The following ROCK2 variants were observed in gnomAD, a reference collection of about 807,000 sequenced individuals.
ROCK2 encodes Rho associated coiled-coil containing protein kinase 2, also known as rho-associated protein kinase 2.
In ROCK2, 61 loss-of-function variants were observed where a neutral mutation model predicts 195.1. The observed-to-expected ratio is 0.31, with a 90% CI of 0.25 to 0.39. ROCK2 has a LOEUF of 0.39. Ranked by LOEUF, ROCK2 falls within the 10% of genes least tolerant of loss-of-function variation. The probability of loss-of-function intolerance (pLI) is 1.00; values close to 1 mark genes in which losing one functional copy is unlikely to be tolerated. For missense variants in ROCK2, 1,109 were observed against 1,637.4 expected, an observed-to-expected ratio of 0.68 and a Z score of 5.57; for synonymous variants, 504 against 545.5, an observed-to-expected ratio of 0.92 and a Z score of 1.06.
chr2:11,194,811 C>A (rs376579102), intron 28 of ROCK2, 144 bp downstream of exon 28: 96 of 415,468 alleles, frequency 2.3e-4, no homozygotes, highest in African/African-American at 1.7e-3. Context: ...TAAATAAAAT[C>A]ATATCATTTC....
intron 1 of ROCK2, among the ~76,000 whole-genome samples, chr2:11,331,041 A>AGGGAGGAGGC (rs1668748553): frequency 1.0e-5 from 1 of 99,998 alleles, no homozygotes; most frequent in Admixed American, 9.7e-5. Flanking sequence ...AGGGAGGAGG[A>AGGGAGGAGGC]GGGAGGAGGA....
chr2:11,288,861 C>G (rs1667278896), intron 1 of ROCK2, among the ~76,000 whole-genome samples: 1 of 152,032 alleles, frequency 6.6e-6, no homozygotes, highest in Non-Finnish European at 1.5e-5. Flanking sequence ...CACTTGAGCC[C>G]AGGAGTTCCA....
Position 11,344,365 on chromosome 2 carries a change from G to C in ROCK2, c.-229C>G. The C allele has an allele frequency of 8.6e-7, 1 of 1,160,410 alleles. No individual in the cohort carries two copies. Among genetic ancestry groups the C allele is most frequent in the East Asian group, 4.0e-5 (1 of 25,168 alleles). 71.9% of individuals were successfully genotyped at this position (1,160,410 alleles called of 1,614,324 possible). On this transcript the variant is annotated 5_prime_UTR_variant, in exon 1 of 33. Coordinates refer to ENST00000315872, the MANE Select transcript of ROCK2 (RefSeq NM_004850.5). The surrounding 1 kb of genome is among the most constrained non-coding windows in gnomAD (Gnocchi z 5.4). ...CGGCCCGGCCCTGCCGGGAGCGGCG[G>C]GGAACAGACGGCGTCCCCGCCCCTC...
At chr2:11,246,581 T>C (rs1237315844) in intron 4 of ROCK2, among the ~76,000 whole-genome samples, 1 of 152,176 alleles carries the variant, frequency 6.6e-6, no homozygotes, top group African/African-American at 2.4e-5. Flanking sequence ...TTTTAAAATA[T>C]GTCAATATTT....
At chr2:11,331,603 G>A (rs1038506288) in intron 1 of ROCK2, among the ~76,000 whole-genome samples, 3 of 150,596 alleles carry the variant, frequency 2.0e-5, no homozygotes, top group Non-Finnish European at 3.0e-5. Context: ...TCATGTGCAC[G>A]TCAGAAGCCC....
At chr2:11,191,772 G>T (rs534124994) in intron 32 of ROCK2, among the ~76,000 whole-genome samples, 1 of 152,076 alleles carries the variant, frequency 6.6e-6, no homozygotes, top group African/African-American at 2.4e-5. Flanking sequence ...TTCTCATCAA[G>T]GTTATAACAG....
intron 1 of ROCK2, among the ~76,000 whole-genome samples, chr2:11,309,863 C>T (rs1383261270): frequency 6.6e-6 from 1 of 152,082 alleles, no homozygotes; most frequent in Non-Finnish European, 1.5e-5. Flanking sequence ...TGCCTGTAGT[C>T]CCAGCTACTC....
At chr2:11,301,782 A>G (rs1667714573) in intron 1 of ROCK2, among the ~76,000 whole-genome samples, 2 of 143,378 alleles carry the variant, frequency 1.4e-5, no homozygotes, top group Non-Finnish European at 3.1e-5. Context: ...CCGCCTCAAA[A>G]AAAAAAAAAA....
In ROCK2 at chr2:11,216,143, G is replaced by C. The variant is rs748491333; in HGVS notation, c.1461+15C>G. ...TACTAACAAAAATGTTAATAAAAAA[G>C]TGGGGCAACTTTACCTCCTCTTCTA... On this transcript the variant is annotated intron_variant, in intron 13 of 32. Coordinates refer to ENST00000315872, the MANE Select transcript of ROCK2 (RefSeq NM_004850.5). 1.9e-6 allele frequency: 3 copies of C among 1,606,684 alleles called. No homozygotes were observed. The highest frequency in any genetic ancestry group is 1.7e-6 in the Non-Finnish European group (2 of 1,173,508).
intron 17 of ROCK2, 88 bp from the exon 18 acceptor site, chr2:11,211,928 C>CA: frequency 1.0e-6 from 1 of 960,270 alleles, no homozygotes; most frequent in South Asian, 1.9e-5. Flanking sequence ...TTTTTTGAGA[C>CA]AGAGTCTTGC....
intron 1 of ROCK2, chr2:11,308,216 A>C (rs1478401605): frequency 9.4e-5 from 138 of 1,475,472 alleles, no homozygotes; most frequent in Admixed American, 1.7e-5. Context: ...CACAGGCAAA[A>C]TTGCAACATG....
chr2:11,252,939 T>TATA (rs199970738), intron 3 of ROCK2, among the ~76,000 whole-genome samples: 19,429 of 143,170 alleles, frequency 0.14, 1,382 homozygotes, highest in East Asian at 0.2. Flanking sequence ...AACTTAAAAG[T>TATA]ATAATAATAA....
intron 3 of ROCK2, among the ~76,000 whole-genome samples, chr2:11,255,967 G>A (rs1172486876): frequency 7.1e-6 from 1 of 141,352 alleles, no homozygotes. Context: ...AAACTATATG[G>A]AAGTCAGTGA....
intron 1 of ROCK2, among the ~76,000 whole-genome samples, chr2:11,301,406 CAAA>C (rs1264731993): frequency 6.6e-6 from 1 of 151,874 alleles, no homozygotes; most frequent in African/African-American, 2.4e-5. Context: ...TGTATATACT[CAAA>C]AAACTGTTGT....
chr2:11,293,680 G>A (rs1330634990), intron 1 of ROCK2, among the ~76,000 whole-genome samples: 1 of 152,068 alleles, frequency 6.6e-6, no homozygotes. Flanking sequence ...TGTTCATAGT[G>A]AGTCTTTGCA....
intron 3 of ROCK2, among the ~76,000 whole-genome samples, chr2:11,266,726 A>G (rs1221651654): frequency 2.6e-5 from 4 of 152,234 alleles, no homozygotes; most frequent in African/African-American, 9.6e-5. Flanking sequence ...AAAGGCTATG[A>G]AAGAAGCACC....
intron 3 of ROCK2, among the ~76,000 whole-genome samples, chr2:11,274,372 T>C (rs995250642): frequency 2.0e-5 from 3 of 152,026 alleles, no homozygotes; most frequent in East Asian, 1.9e-4. Flanking sequence ...TCTGGCTAGA[T>C]GGACTAATTA....
Position 11,287,644 on chromosome 2 carries a change from A to C in ROCK2, c.223+11T>G. The C allele has an allele frequency of 1.1e-6, 1 of 897,846 alleles. No homozygotes were observed. The highest frequency in any genetic ancestry group is 1.6e-6 in the Non-Finnish European group (1 of 622,192). 55.6% of individuals were successfully genotyped at this position (897,846 alleles called of 1,614,324 possible). On this transcript the variant is annotated intron_variant, in intron 2 of 32. Transcript: ENST00000315872. ...GTTATAAGATCAAATATGAAGTTTA[A>C]ACATACTTACATCTATTTAAGAAAT...
At chr2:11,230,265 A>G in intron 5 of ROCK2, among the ~76,000 whole-genome samples, 2 of 152,136 alleles carry the variant, frequency 1.3e-5, no homozygotes, top group Non-Finnish European at 2.9e-5. Context: ...AAAATATAAG[A>G]CAAGTCTTGA....
Sources: gnomAD v4.1 joint callset for allele counts (sites outside exome capture counted in the v4.1 genomes callset) on GRCh38, gnomAD v4.1.1 for gene constraint, Gnocchi (gnomAD v3.1) non-coding constraint, MANE v1.5 for transcripts, NCBI Gene and HGNC (gene_info 2026-07-23, HGNC 2026-07-21) for gene names.